SCUBE1: variants seen among roughly 807,000 people sequenced by gnomAD.
SCUBE1 encodes signal peptide, CUB domain and EGF like domain containing 1.
SCUBE1 carries 59 observed loss-of-function variants against 124.4 expected under a neutral mutation model. The observed-to-expected ratio is 0.47, with a 90% CI of 0.38 to 0.59. The LOEUF is 0.59. SCUBE1 is among the 20% of genes least tolerant of loss of function. The pLI is 0.00. For missense variants in SCUBE1, 1,150 were observed against 1,371.2 expected (o/e 0.84, Z 2.55); for synonymous variants, 545 against 550.9 (o/e 0.99, Z 0.15).
intron 4 of SCUBE1, among the ~76,000 whole-genome samples, chr22:43,269,732 A>C (rs1165107319): frequency 6.6e-6 from 1 of 152,064 alleles, no homozygotes; most frequent in Non-Finnish European, 1.5e-5. Flanking sequence ...TGGCAGGGGG[A>C]GGAGGCGGCT....
intron 4 of SCUBE1, among the ~76,000 whole-genome samples, chr22:43,280,783 T>C (rs368761648): frequency 1.6e-3 from 153 of 95,168 alleles, no homozygotes; most frequent in Middle Eastern, 7.6e-3. Context: ...CCTCCTGTCA[T>C]CTCCTCCTCA....
chr22:43,223,044 G>A, intron 11 of SCUBE1, 53 bp downstream of exon 11: 2 of 1,498,246 alleles, frequency 1.3e-6, no homozygotes, highest in Non-Finnish European at 1.8e-6. Flanking sequence ...TGGGACCCCA[G>A]GGAGGAAGAC....
chr22:43,248,522 C>T (rs913791149), intron 6 of SCUBE1, among the ~76,000 whole-genome samples: 2 of 152,222 alleles, frequency 1.3e-5, no homozygotes, highest in Non-Finnish European at 2.9e-5. Context: ...GAGGGCAGGG[C>T]CCAGGACTCA....
Position 43,231,835 on chromosome 22 carries a change from G to A in SCUBE1, c.885C>T (p.His295=). 8 of 1,613,546 alleles carry A rather than the reference G, an allele frequency of 5.0e-6. No homozygotes were observed. The highest frequency in any genetic ancestry group is 6.8e-6 in the Non-Finnish European group (8 of 1,179,910). ...ECLVNNGGCD[H]FCRNTVGSFE... is the part of the protein sequence containing the mutation. The stretch of plus-strand genomic sequence containing the variant: ...AGCTGCCCACGGTGTTGCGGCAGAA[G>A]TGGTCGCAGCCTCCGTTGTTGACCA... The change falls in exon 8 of 22, where the codon CAC becomes CAT. Residue 295 remains histidine (H), a synonymous_variant. Transcript: ENST00000360835.
chr22:43,224,609 G>C (rs1370522182), intron 10 of SCUBE1, among the ~76,000 whole-genome samples: 1 of 152,174 alleles, frequency 6.6e-6, no homozygotes. Flanking sequence ...AGGCAACTAG[G>C]CAGGGCTTTC....
chr22:43,298,604 C>T (rs1044339415), intron 3 of SCUBE1, among the ~76,000 whole-genome samples: 4 of 152,230 alleles, frequency 2.6e-5, no homozygotes, highest in Non-Finnish European at 5.9e-5. Context: ...GCTGCCCTGC[C>T]GCCCCCTGCT....
At chr22:43,327,712 G>A (rs1395119667) in intron 2 of SCUBE1, among the ~76,000 whole-genome samples, 3 of 152,104 alleles carry the variant, frequency 2.0e-5, no homozygotes, top group East Asian at 3.9e-4. Flanking sequence ...ACTTGAACCC[G>A]GGAGGCGGAG....
Position 43,238,877 on chromosome 22 carries a change from C to A in SCUBE1, c.805G>T (p.Val269Phe), listed in dbSNP as rs147314688. 20 of 1,613,248 alleles carry A rather than the reference C, an allele frequency of 1.2e-5. No homozygotes were observed. The highest frequency in any genetic ancestry group is 1.7e-5 in the Non-Finnish European group (20 of 1,180,024). Reference protein sequence around the residue: ...TATGVRCSCPVGFTLQPDGKT... With the variant: ...TATGVRCSCPFGFTLQPDGKT... Reference sequence around the variant, plus strand: ...CCGTCCGGCTGCAGTGTGAATCCAACGGGGCAGCTGCATCGCACGCCAGTG... The same window carrying A: ...CCGTCCGGCTGCAGTGTGAATCCAAAGGGGCAGCTGCATCGCACGCCAGTG... Residue 269 changes from valine (V) to phenylalanine (F), a missense_variant, in exon 7 of 22, where the codon GTT (valine) becomes TTT (phenylalanine). Val to Phe is a conservative substitution (Grantham distance 50). Around this residue, in one of 3 missense-constraint regions of SCUBE1, gnomAD observed 337 missense variants for 482.1 expected, o/e 0.70. Coordinates refer to ENST00000360835, the MANE Select transcript of SCUBE1 (RefSeq NM_173050.5).
chr22:43,291,041 C>T lies in SCUBE1; in HGVS notation c.484+5G>A, dbSNP rs1264668287. 2 of 1,602,852 alleles carry T rather than the reference C, an allele frequency of 1.2e-6. No homozygotes were observed. Among genetic ancestry groups the T allele is most frequent in the East Asian group, 2.2e-5 (1 of 44,582 alleles). ...ACATGCCTGGTCAGCATAGGCTGTA[C>T]TCACCATTGGAGCGGTGGATGCAGG... On this transcript the variant is annotated splice_donor_5th_base_variant and intron_variant, in intron 4 of 21. Transcript: ENST00000360835.
intron 3 of SCUBE1, among the ~76,000 whole-genome samples, chr22:43,309,731 CT>C (rs1277563841): frequency 2.6e-5 from 4 of 152,246 alleles, no homozygotes; most frequent in African/African-American, 4.8e-5. Context: ...TGTCCTCCCC[CT>C]AGCCTTCCCC....
intron 2 of SCUBE1, among the ~76,000 whole-genome samples, chr22:43,327,286 G>T (rs1031731236): frequency 6.6e-6 from 1 of 152,184 alleles, no homozygotes; most frequent in Non-Finnish European, 1.5e-5. Context: ...CAGGAAGGGA[G>T]CCAGGCAGCT....
At chr22:43,316,134 C>G (rs1305455092) in intron 3 of SCUBE1, among the ~76,000 whole-genome samples, 1 of 152,224 alleles carries the variant, frequency 6.6e-6, no homozygotes, top group Non-Finnish European at 1.5e-5. Context: ...GTGCCAGACA[C>G]TCTGCTACAT....
chr22:43,217,506 G>T (rs1921884480), intron 15 of SCUBE1, among the ~76,000 whole-genome samples: 1 of 152,106 alleles, frequency 6.6e-6, no homozygotes, highest in African/African-American at 2.4e-5. Flanking sequence ...CCCCGTCCTT[G>T]CTCCGCCCCC....
At chr22:43,290,514 G>A (rs935690506) in intron 4 of SCUBE1, among the ~76,000 whole-genome samples, 3 of 152,262 alleles carry the variant, frequency 2.0e-5, no homozygotes, top group Non-Finnish European at 4.4e-5. Context: ...AGCTGGTGGG[G>A]TGTCTTCCTG....
chr22:43,208,129 T>G lies in SCUBE1; in HGVS notation c.2677A>C (p.Lys893Gln), dbSNP rs1921375864. ...TTGCCGCTGTTGCCTTCATTGGATTTGAACTGGATCCAGAGCTTGCGGGAG... is the reference window on the plus strand; with the variant it reads ...TTGCCGCTGTTGCCTTCATTGGATTGGAACTGGATCCAGAGCTTGCGGGAG... ...SRSRKLWIQF[K>Q]SNEGNSGKGF... The change falls in exon 20 of 22, where the codon AAA becomes CAA. Residue 893 changes from lysine (K) to glutamine (Q), a missense_variant. Lys to Gln is a moderately conservative substitution (Grantham distance 53, BLOSUM62 1). This residue lies in a region of SCUBE1 where 757 missense variants were observed against 840.9 expected (regional missense o/e 0.90). Coordinates refer to ENST00000360835, the MANE Select transcript of SCUBE1 (RefSeq NM_173050.5). The G allele has an allele frequency of 1.2e-6, 2 of 1,614,018 alleles. No homozygotes were observed. The highest frequency in any genetic ancestry group is 1.7e-6 in the Non-Finnish European group (2 of 1,180,022).
intron 4 of SCUBE1, among the ~76,000 whole-genome samples, chr22:43,270,921 C>T (rs1014522969): frequency 6.6e-6 from 1 of 152,206 alleles, no homozygotes; most frequent in Non-Finnish European, 1.5e-5. Flanking sequence ...GACTGAAGGT[C>T]CTCCCTGACC....
intron 6 of SCUBE1, among the ~76,000 whole-genome samples, chr22:43,251,770 C>T (rs780026568): frequency 2.0e-5 from 3 of 152,230 alleles, no homozygotes; most frequent in Non-Finnish European, 4.4e-5. Context: ...AGATAATAAA[C>T]GTGCGTCGTC....
intron 3 of SCUBE1, among the ~76,000 whole-genome samples, chr22:43,305,069 G>T (rs1209535552): frequency 6.6e-6 from 1 of 152,168 alleles, no homozygotes; most frequent in African/African-American, 2.4e-5. Flanking sequence ...TGCCCGCACT[G>T]TCCCGGGCTT....
chr22:43,252,881 C>T (rs1435135516), intron 6 of SCUBE1, among the ~76,000 whole-genome samples: 2 of 149,384 alleles, frequency 1.3e-5, no homozygotes, highest in African/African-American at 5.0e-5. Flanking sequence ...TGGGAACGGT[C>T]ACCTCCCTTA....
Sources: allele counts gnomAD v4.1 joint callset (sites outside exome capture counted in the v4.1 genomes callset), GRCh38; gene constraint gnomAD v4.1.1; regional missense constraint gnomAD v4.1.1; transcripts MANE v1.5; gene names NCBI Gene and HGNC (gene_info 2026-07-23, HGNC 2026-07-21).